The following CHST14 variants were observed in gnomAD, a reference collection of about 807,000 sequenced individuals.
CHST14 encodes carbohydrate (N-acetylgalactosamine 4-0) sulfotransferase 14.
A neutral mutation model predicts 22.7 loss-of-function variants in CHST14; 13 were observed. That is an observed-to-expected ratio of 0.57 (90% CI 0.37 to 0.91). The LOEUF is 0.91. Ranked by LOEUF, CHST14 falls within the 40% of genes least tolerant of loss-of-function variation. The pLI, the probability that CHST14 is intolerant of heterozygous loss-of-function variation, is 0.01. For synonymous variants in CHST14, 233 were observed against 231.9 expected (o/e 1.00, Z -0.04); for missense variants, 466 against 513.1 (o/e 0.91, Z 0.89).
chr15:40,472,116 G>A lies in CHST14; in HGVS notation c.903G>A (p.Arg301=). 1 of 1,614,186 alleles carries A rather than the reference G, an allele frequency of 6.2e-7. No individual in the cohort carries two copies. ...ATGACTTTGTGGGCTCCTATGAGAG[G>A]CTGGAGGCTGATGCAAATCAGGTGC... is the stretch of plus-strand genomic sequence containing the variant. ...VHYDFVGSYE[R]LEADANQVLE... The change falls in exon 1 of 1, where the codon AGG becomes AGA. Residue 301 remains arginine, a synonymous_variant. Transcript: ENST00000306243.
In CHST14 at chr15:40,472,264, G is replaced by A; in HGVS notation, c.1051G>A (p.Val351Met). 6.2e-7 allele frequency: 1 copy of A among 1,611,708 alleles called. No individual in the cohort carries two copies. Among genetic ancestry groups the A allele is most frequent in the Non-Finnish European group, 8.5e-7 (1 of 1,178,298 alleles). Residue 351 changes from valine to methionine, a missense_variant, in exon 1 of 1, where the codon GTG becomes ATG. Transcript: ENST00000306243. ...TGCCCCCCGGGCCCTGCTGCAGGAT[G>A]TGCTGCCTAAGTATATCCTGGACTT... ...CSAPRALLQDVLPKYILDFSL... is the reference protein window; with the variant it reads ...CSAPRALLQDMLPKYILDFSL...
chr15:40,471,669 C>T lies in CHST14; in HGVS notation c.456C>T (p.Cys152=), dbSNP rs1416151370. ...GTGACCGTTACCGCTTCCTCTACTG[C>T]TACGTCCCCAAGGTGGCCTGCTCTA... The part of the protein sequence containing the change: ...LVSDRYRFLY[C]YVPKVACSNW... The change falls in exon 1 of 1, where the codon TGC becomes TGT. Residue 152 remains cysteine (C), a synonymous_variant. Coordinates refer to ENST00000306243, the MANE Select transcript of CHST14 (RefSeq NM_130468.4). The surrounding 1 kb of genome is among the most constrained non-coding windows in gnomAD (Gnocchi z 6.4). 1 of 1,613,674 alleles carries T rather than the reference C, an allele frequency of 6.2e-7. No individual in the cohort carries two copies. The highest frequency in any genetic ancestry group is 1.7e-5 in the Admixed American group (1 of 60,030).
chr15:40,472,082 C>T lies in CHST14; in HGVS notation c.869C>T (p.Ala290Val), dbSNP rs763074027. The change falls in exon 1 of 1, where the codon GCC (alanine) becomes GTC (valine). Residue 290 changes from alanine (A) to valine (V), a missense_variant. Coordinates refer to ENST00000306243, the MANE Select transcript of CHST14 (RefSeq NM_130468.4). ...MPVYHLCQPCAVHYDFVGSYE... is the reference protein window; with the variant it reads ...MPVYHLCQPCVVHYDFVGSYE... ...GTGTACCACCTGTGCCAGCCTTGTG[C>T]CGTGCACTATGACTTTGTGGGCTCC... 58 of 1,614,072 alleles carry T rather than the reference C, an allele frequency of 3.6e-5. No homozygotes were observed. Among genetic ancestry groups the T allele is most frequent in the Non-Finnish European group, 4.5e-5 (53 of 1,180,038 alleles).
chr15:40,471,819 C>T lies in CHST14; in HGVS notation c.606C>T (p.Arg202=). Residue 202 remains arginine, a synonymous_variant, in exon 1 of 1, where the codon CGC becomes CGT. Transcript: ENST00000306243. This position sits in a 1 kb window ranked among gnomAD's most constrained non-coding sequence, Gnocchi z 6.4. Reference sequence around the variant, plus strand: ...TGCGGCCTGAGGAGATTCGCTACCGCCTGCAGCACTACTTTAAGTTCCTGT... The same window carrying T: ...TGCGGCCTGAGGAGATTCGCTACCGTCTGCAGCACTACTTTAAGTTCCTGT... ...ADLRPEEIRY[R]LQHYFKFLFV... 1.2e-6 allele frequency: 2 copies of T among 1,613,808 alleles called. No individual in the cohort carries two copies. Among genetic ancestry groups the T allele is most frequent in the Non-Finnish European group, 1.7e-6 (2 of 1,180,040 alleles).
rs1463164193 is a variant in CHST14 at position 40,471,104 on chromosome 15, T to G, written c.-110T>G. ...GCCAGGGCTGTCCCCTGCCCTCCCC[T>G]CCCCAACTACCCCCGGTCCCAGACC... On this transcript the variant is annotated 5_prime_UTR_variant, in exon 1 of 1. Transcript: ENST00000306243. This position sits in a 1 kb window ranked among gnomAD's most constrained non-coding sequence, Gnocchi z 6.4. The G allele has an allele frequency of 1.1e-4, 18 of 157,448 alleles. No individual in the cohort carries two copies. The highest frequency in any genetic ancestry group is 1.4e-4 in the Non-Finnish European group (12 of 88,186). 9.8% of individuals were successfully genotyped at this position (157,448 alleles called of 1,614,324 possible). A position where few individuals can be genotyped will look rare whatever the true frequency, so the allele number is the denominator to read the frequency against.
In CHST14 at chr15:40,472,193, G is replaced by C; in HGVS notation, c.980G>C (p.Trp327Ser). ...GTCCGATTTCCAGCTCGCCAGGCCTGGTACCGGCCAGCCAGCCCCGAAAGC... is the reference window on the plus strand; with the variant it reads ...GTCCGATTTCCAGCTCGCCAGGCCTCGTACCGGCCAGCCAGCCCCGAAAGC... ...PHVRFPARQA[W>S]YRPASPESLH... The change falls in exon 1 of 1, where the codon TGG becomes TCG. Residue 327 changes from tryptophan (W) to serine (S), a missense_variant. Physicochemically the swap from Trp to Ser is radical, Grantham distance 177. Coordinates refer to ENST00000306243, the MANE Select transcript of CHST14 (RefSeq NM_130468.4). 1 of 1,614,108 alleles carries C rather than the reference G, an allele frequency of 6.2e-7. No individual in the cohort carries two copies. Among genetic ancestry groups the C allele is most frequent in the Non-Finnish European group, 8.5e-7 (1 of 1,180,016 alleles).
Position 40,472,129 on chromosome 15 carries a change from G to A in CHST14, c.916G>A (p.Ala306Thr). 1 of 1,614,174 alleles carries A rather than the reference G, an allele frequency of 6.2e-7. No individual in the cohort carries two copies. Among genetic ancestry groups the A allele is most frequent in the Non-Finnish European group, 8.5e-7 (1 of 1,180,042 alleles). ...VGSYERLEADANQVLEWVRAP... is the reference protein window; with the variant it reads ...VGSYERLEADTNQVLEWVRAP... ...CTCCTATGAGAGGCTGGAGGCTGATGCAAATCAGGTGCTGGAGTGGGTACG... is the reference window on the plus strand; with the variant it reads ...CTCCTATGAGAGGCTGGAGGCTGATACAAATCAGGTGCTGGAGTGGGTACG... Residue 306 changes from alanine (A) to threonine (T), a missense_variant, in exon 1 of 1, where the codon GCA becomes ACA. Physicochemically the swap from Ala to Thr is moderately conservative, Grantham distance 58. Coordinates refer to ENST00000306243, the MANE Select transcript of CHST14 (RefSeq NM_130468.4).
At position 40,471,193 on chromosome 15, in the gene CHST14, G is replaced by A; in HGVS notation, c.-21G>A. 3 of 1,262,800 alleles carry A rather than the reference G, an allele frequency of 2.4e-6. No individual in the cohort carries two copies. Among genetic ancestry groups the A allele is most frequent in the Non-Finnish European group, 2.0e-6 (2 of 1,003,586 alleles). 78.2% of individuals were successfully genotyped at this position (1,262,800 alleles called of 1,614,324 possible). On this transcript the variant is annotated 5_prime_UTR_variant, in exon 1 of 1. Transcript: ENST00000306243. The surrounding 1 kb of genome is among the most constrained non-coding windows in gnomAD (Gnocchi z 6.4). ...CCCTCGGATCGGCCGGGCCCGCGCA[G>A]GCCCCCACCCCTTGAGCACCATGTT...
At position 40,471,344 on chromosome 15, in the gene CHST14, T is replaced by C. The variant is rs1402135865; in HGVS notation, c.131T>C (p.Met44Thr). 1.3e-6 allele frequency: 2 copies of C among 1,549,104 alleles called. No homozygotes were observed. The highest frequency in any genetic ancestry group is 4.8e-5 in the East Asian group (2 of 41,748). ...GGGCCGCCCCTGCTGCTGCCGTCCA[T>C]GCTGATGTTTGCGGTGATCGTGGCC... ...LGGPPLLLPS[M>T]LMFAVIVASS... Residue 44 changes from methionine to threonine, a missense_variant, in exon 1 of 1, where the codon ATG (methionine) becomes ACG (threonine). Met to Thr is a moderately conservative substitution (Grantham distance 81, BLOSUM62 -1). Coordinates refer to ENST00000306243, the MANE Select transcript of CHST14 (RefSeq NM_130468.4). This position sits in a 1 kb window ranked among gnomAD's most constrained non-coding sequence, Gnocchi z 6.4.
rs759613375 is a variant in CHST14, at chr15:40,471,261, G to T, written c.48G>T (p.Glu16Asp). ...LTPLAAPNGA[E>D]PLGRALRRAP... ...CGCTGGCGGCCCCAAATGGCGCCGA[G>T]CCCCTGGGCCGGGCGCTGAGGCGGG... The change falls in exon 1 of 1, where the codon GAG becomes GAT. Residue 16 changes from glutamate to aspartate, a missense_variant. Coordinates refer to ENST00000306243, the MANE Select transcript of CHST14 (RefSeq NM_130468.4). The surrounding 1 kb of genome is among the most constrained non-coding windows in gnomAD (Gnocchi z 6.4). 3 of 1,475,360 alleles carry T rather than the reference G, an allele frequency of 2.0e-6. No homozygotes were observed. Among genetic ancestry groups the T allele is most frequent in the East Asian group, 2.8e-5 (1 of 35,922 alleles). The allele number at this position is 1,475,360 out of a possible 1,614,324, so 91.4% of individuals were successfully genotyped here.
In CHST14 at chr15:40,472,503, AC is replaced by A; in HGVS notation, c.*162del. ...CAGAAGTTCCTTGTCCAGGGTGGGC[AC>A]CCACAGTGACTCAGAGGACAGGGCT... On this transcript the variant is annotated 3_prime_UTR_variant, in exon 1 of 1. Coordinates refer to ENST00000306243, the MANE Select transcript of CHST14 (RefSeq NM_130468.4). 1 of 765,438 alleles carries A rather than the reference AC, an allele frequency of 1.3e-6. No homozygotes were observed. The highest frequency in any genetic ancestry group is 1.8e-5 in the African/African-American group (1 of 56,826). The allele number at this position is 765,438 out of a possible 1,614,324, so 47.4% of individuals were successfully genotyped here.
Position 40,471,632 on chromosome 15 carries a change from A to T in CHST14, c.419A>T (p.His140Leu). 1 of 1,613,302 alleles carries T rather than the reference A, an allele frequency of 6.2e-7. No homozygotes were observed. Reference protein sequence around the residue: ...PVGQRRTLLRHILVSDRYRFL... With the variant: ...PVGQRRTLLRLILVSDRYRFL... ...GGGCAGCGGCGCACCCTGCTGCGCC[A>T]CATCCTCGTAAGTGACCGTTACCGC... is the stretch of plus-strand genomic sequence containing the variant. Residue 140 changes from histidine (H) to leucine (L), a missense_variant, in exon 1 of 1, where the codon CAC (histidine) becomes CTC (leucine). By Grantham distance (99) the His-to-Leu change is moderately conservative. Coordinates refer to ENST00000306243, the MANE Select transcript of CHST14 (RefSeq NM_130468.4). This position sits in a 1 kb window ranked among gnomAD's most constrained non-coding sequence, Gnocchi z 6.4.
rs139191820 is a variant in CHST14 at position 40,472,059 on chromosome 15, G to C, written c.846G>C (p.Val282=). 24 of 1,614,076 alleles carry C rather than the reference G, an allele frequency of 1.5e-5. No individual in the cohort carries two copies. The highest frequency in any genetic ancestry group is 1.9e-5 in the Non-Finnish European group (22 of 1,180,048). Residue 282 remains valine, a synonymous_variant, in exon 1 of 1, where the codon GTG becomes GTC. Coordinates refer to ENST00000306243, the MANE Select transcript of CHST14 (RefSeq NM_130468.4). The part of the protein sequence containing the change: ...PERMNEHWMP[V]YHLCQPCAVH... ...GCATGAATGAGCATTGGATGCCCGT[G>C]TACCACCTGTGCCAGCCTTGTGCCG...
In CHST14 at chr15:40,473,090, T is replaced by A. The variant is rs1056353530; in HGVS notation, c.*746T>A. ...GCATTTATTTAAAATTTGTACTTTT[T>A]GATAGAACCCTTGTAAGGGCTTTGT... On this transcript the variant is annotated 3_prime_UTR_variant, in exon 1 of 1. Transcript: ENST00000306243. 2 of 167,120 alleles carry A rather than the reference T, an allele frequency of 1.2e-5. No homozygotes were observed. The highest frequency in any genetic ancestry group is 4.8e-5 in the African/African-American group (2 of 41,464). The allele number at this position is 167,120 out of a possible 1,614,324, so 10.4% of individuals were successfully genotyped here.
Position 40,471,907 on chromosome 15 carries a change from G to A in CHST14, c.694G>A (p.Glu232Lys). 1 of 1,614,156 alleles carries A rather than the reference G, an allele frequency of 6.2e-7. No homozygotes were observed. Among genetic ancestry groups the A allele is most frequent in the South Asian group, 1.1e-5 (1 of 91,090 alleles). ...CCGCAACAAGTTTGGCGAGATCCGA[G>A]AGTACCAGCAACGCTATGGGGCTGA... Reference protein sequence around the residue: ...AYRNKFGEIREYQQRYGAEIV... With the variant: ...AYRNKFGEIRKYQQRYGAEIV... The change falls in exon 1 of 1, where the codon GAG becomes AAG. Residue 232 changes from glutamate (E) to lysine (K), a missense_variant. Glu to Lys is a moderately conservative substitution (Grantham distance 56, BLOSUM62 1). Transcript: ENST00000306243. The surrounding 1 kb of genome is among the most constrained non-coding windows in gnomAD (Gnocchi z 6.4).
At position 40,471,466 on chromosome 15, in the gene CHST14, G is replaced by A; in HGVS notation, c.253G>A (p.Gly85Arg). 1.3e-6 allele frequency: 2 copies of A among 1,592,670 alleles called. No homozygotes were observed. The highest frequency in any genetic ancestry group is 2.2e-5 in the South Asian group (2 of 89,666). ...PPGREGTAWR[G>R]KAPKPGGLSL... ...CGGCCGCGAGGGCACAGCCTGGCGC[G>A]GGAAAGCCCCCAAGCCTGGGGGCCT... The change falls in exon 1 of 1, where the codon GGG becomes AGG. Residue 85 changes from glycine (G) to arginine (R), a missense_variant. Gly to Arg is a moderately radical substitution (Grantham distance 125). Coordinates refer to ENST00000306243, the MANE Select transcript of CHST14 (RefSeq NM_130468.4). This position sits in a 1 kb window ranked among gnomAD's most constrained non-coding sequence, Gnocchi z 6.4.
In CHST14 at chr15:40,472,894, A is replaced by T. The variant is rs1894369953; in HGVS notation, c.*550A>T. The T allele has an allele frequency of 5.9e-6, 1 of 168,132 alleles. No individual in the cohort carries two copies. The highest frequency in any genetic ancestry group is 6.5e-5 in the Admixed American group (1 of 15,450). 10.4% of individuals were successfully genotyped at this position (168,132 alleles called of 1,614,324 possible). ...TTTCCAAGGAAAGGAAAACGGAAGC[A>T]GGGTTCTTGCCTGGTAGCTCCAGGA... On this transcript the variant is annotated 3_prime_UTR_variant, in exon 1 of 1. Coordinates refer to ENST00000306243, the MANE Select transcript of CHST14 (RefSeq NM_130468.4).
At position 40,472,387 on chromosome 15, in the gene CHST14, G is replaced by T. The variant is rs375382965; in HGVS notation, c.*43G>T. On this transcript the variant is annotated 3_prime_UTR_variant, in exon 1 of 1. Transcript: ENST00000306243. ...GCAGCTGGTGGGGACTGGTTTCAAC[G>T]CCAGCTTTCTGTGCTTCTGCCTGTC... The T allele has an allele frequency of 1.3e-6, 2 of 1,550,168 alleles. No homozygotes were observed. Among genetic ancestry groups the T allele is most frequent in the Non-Finnish European group, 1.7e-6 (2 of 1,147,494 alleles).
rs773238421 is a variant in CHST14, at chr15:40,472,392, C to T, written c.*48C>T. The T allele has an allele frequency of 2.6e-6, 4 of 1,541,524 alleles. No individual in the cohort carries two copies. The highest frequency in any genetic ancestry group is 2.6e-6 in the Non-Finnish European group (3 of 1,142,448). ...TGGTGGGGACTGGTTTCAACGCCAGCTTTCTGTGCTTCTGCCTGTCATTCG... is the reference window on the plus strand; with the variant it reads ...TGGTGGGGACTGGTTTCAACGCCAGTTTTCTGTGCTTCTGCCTGTCATTCG... On this transcript the variant is annotated 3_prime_UTR_variant, in exon 1 of 1. Coordinates refer to ENST00000306243, the MANE Select transcript of CHST14 (RefSeq NM_130468.4).
Sources: allele counts gnomAD v4.1 joint callset, GRCh38; gene constraint gnomAD v4.1.1; non-coding constraint Gnocchi (gnomAD v3.1); transcripts MANE v1.5; gene names NCBI Gene and HGNC (gene_info 2026-07-23, HGNC 2026-07-21).